Variants in NPAS2 observed in about 807,000 individuals in gnomAD.
The protein encoded by NPAS2 is neuronal PAS domain-containing protein 2.
A neutral mutation model predicts 107.5 loss-of-function variants in NPAS2; 23 were observed. The observed-to-expected ratio is 0.21, with a 90% CI of 0.15 to 0.30. The LOEUF is 0.30. Among genes scored for constraint, NPAS2 ranks in the 10% least tolerant of loss-of-function variants. The pLI is 1.00. For missense variants in NPAS2, 756 were observed against 1,043.3 expected (o/e 0.72, Z 3.79); for synonymous variants, 403 against 417.5 (o/e 0.97, Z 0.42).
At chr2:100,865,312 C>T (rs190668027) in intron 1 of NPAS2, among the ~76,000 whole-genome samples, 19 of 152,272 alleles carry the variant, frequency 1.2e-4, no homozygotes, top group East Asian at 5.8e-4. Context: ...GTCGTGCTGC[C>T]GCCTGAGCCA....
intron 16 of NPAS2, 38 bp from the exon 17 acceptor site, chr2:100,988,041 T>C (rs1677875524): frequency 6.2e-7 from 1 of 1,606,094 alleles, no homozygotes; most frequent in Admixed American, 1.7e-5. Context: ...GAGGTACCCA[T>C]GACCCCAACT....
intron 2 of NPAS2, among the ~76,000 whole-genome samples, chr2:100,921,672 T>G (rs1413716287): frequency 6.6e-6 from 1 of 152,192 alleles, no homozygotes. Flanking sequence ...TAAAAAGATG[T>G]TCGACATTAC....
intron 1 of NPAS2, among the ~76,000 whole-genome samples, chr2:100,830,043 A>G (rs920706029): frequency 6.6e-6 from 1 of 152,212 alleles, no homozygotes; most frequent in Admixed American, 6.5e-5. Flanking sequence ...GAAAGCAAAA[A>G]CAACCTATCA....
chr2:100,995,962 G>A lies in NPAS2; in HGVS notation c.*380G>A, dbSNP rs550593465. 52 of 1,329,262 alleles carry A rather than the reference G, an allele frequency of 3.9e-5. No individual in the cohort carries two copies. Among genetic ancestry groups the A allele is most frequent in the East Asian group, 2.2e-4 (5 of 22,886 alleles). 82.3% of individuals were successfully genotyped at this position (1,329,262 alleles called of 1,614,324 possible). On this transcript the variant is annotated 3_prime_UTR_variant, in exon 21 of 21. Transcript: ENST00000335681. ...CCCATCTGCGCTAGCTGGCCTTCACGCTCTTGATCGTCTTTCCTTTGTATT... is the reference window on the plus strand; with the variant it reads ...CCCATCTGCGCTAGCTGGCCTTCACACTCTTGATCGTCTTTCCTTTGTATT...
chr2:100,974,857 G>C lies in NPAS2; in HGVS notation c.1195G>C (p.Ala399Pro). ...GCACTTTAACACACTCGACGTGGGT[G>C]CCTCGGGCCTTAATACCAGTCATTC... is the stretch of plus-strand genomic sequence containing the variant. ...RQHFNTLDVGASGLNTSHSPS... is the reference protein window; with the variant it reads ...RQHFNTLDVGPSGLNTSHSPS... Residue 399 changes from alanine (A) to proline (P), a missense_variant, in exon 13 of 21, where the codon GCC becomes CCC. Coordinates refer to ENST00000335681, the MANE Select transcript of NPAS2 (RefSeq NM_002518.4). 1.2e-6 allele frequency: 2 copies of C among 1,614,142 alleles called. No individual in the cohort carries two copies. The highest frequency in any genetic ancestry group is 1.7e-6 in the Non-Finnish European group (2 of 1,179,998).
chr2:100,893,610 G>A (rs1003850455), intron 1 of NPAS2, among the ~76,000 whole-genome samples: 1 of 152,126 alleles, frequency 6.6e-6, no homozygotes, highest in African/African-American at 2.4e-5. Flanking sequence ...TGACCCACTG[G>A]GCCTATAAAG....
At chr2:100,915,590 G>A (rs1045826540) in intron 2 of NPAS2, among the ~76,000 whole-genome samples, 7 of 152,134 alleles carry the variant, frequency 4.6e-5, no homozygotes, top group Admixed American at 2.0e-4. Context: ...TATTTTAGTA[G>A]CACTATGGAT....
At chr2:100,869,006 G>T (rs1416838837) in intron 1 of NPAS2, among the ~76,000 whole-genome samples, 1 of 151,984 alleles carries the variant, frequency 6.6e-6, no homozygotes, top group Non-Finnish European at 1.5e-5. Flanking sequence ...ATCTCAGCTC[G>T]CTGCAACCTT....
chr2:100,982,480 G>T, intron 16 of NPAS2, 103 bp downstream of exon 16: 1 of 1,289,506 alleles, frequency 7.8e-7, no homozygotes, highest in Admixed American at 2.3e-5. Flanking sequence ...CCTGTGAACT[G>T]CCCTGCCAAG....
intron 1 of NPAS2, among the ~76,000 whole-genome samples, chr2:100,895,000 G>A (rs1179693838): frequency 2.0e-5 from 3 of 152,214 alleles, no homozygotes; most frequent in African/African-American, 2.4e-5. Context: ...GTAAGATGGA[G>A]TCTTTCTCTA....
chr2:100,914,802 A>G (rs974235387), intron 2 of NPAS2, among the ~76,000 whole-genome samples: 3 of 152,250 alleles, frequency 2.0e-5, no homozygotes, highest in East Asian at 1.9e-4. Context: ...CGTCCTGTCC[A>G]TCACACTGAA....
intron 10 of NPAS2, among the ~76,000 whole-genome samples, chr2:100,966,305 G>A (rs1311789951): frequency 6.6e-6 from 1 of 152,096 alleles, no homozygotes; most frequent in Non-Finnish European, 1.5e-5. Flanking sequence ...GACTCAAGAG[G>A]ACCCTCACAG....
intron 2 of NPAS2, among the ~76,000 whole-genome samples, chr2:100,912,258 T>TA (rs138948167): frequency 0.011 from 886 of 84,170 alleles, 2 homozygotes; most frequent in Admixed American, 0.022. Flanking sequence ...ATTTATTTAT[T>TA]ATTATTATTT....
rs543064652 is a variant in NPAS2 at position 100,942,374 on chromosome 2, C to T, written c.363+4532C>T. 5.9e-5 allele frequency among the ~76,000 whole-genome samples: 9 copies of T among 152,120 alleles called. No individual in the cohort carries two copies. In the South Asian group the frequency reaches 1.9e-3, roughly 32 times the overall value. ...GGAAGCATCCCTCTGCCCTTCCCAC[C>T]CCACCCTGCCCTCACCTGCTGGAAG... On this transcript the variant is annotated intron_variant, in intron 5 of 20. Transcript: ENST00000335681.
At chr2:100,903,128 C>T (rs1681894696) in intron 1 of NPAS2, among the ~76,000 whole-genome samples, 1 of 152,218 alleles carries the variant, frequency 6.6e-6, no homozygotes, top group South Asian at 2.1e-4. Context: ...AGCCAGCCCT[C>T]CTGTGGACAA....
chr2:100,919,425 G>A (rs1321959566), intron 2 of NPAS2, among the ~76,000 whole-genome samples: 1 of 152,030 alleles, frequency 6.6e-6, no homozygotes, highest in East Asian at 1.9e-4. Context: ...CACCGTCAGC[G>A]TCACTTTTTC....
At chr2:100,933,108 A>G in intron 4 of NPAS2, 107 bp downstream of exon 4, 1 of 804,948 alleles carries the variant, frequency 1.2e-6, no homozygotes, top group Non-Finnish European at 2.1e-6. Flanking sequence ...TGATCCTGGG[A>G]AGACTTGACT....
chr2:100,893,937 G>A (rs112810557), intron 1 of NPAS2, among the ~76,000 whole-genome samples: 2,177 of 152,272 alleles, frequency 0.014, 53 homozygotes, highest in African/African-American at 0.05. Context: ...ATGCCTTTCC[G>A]TGCGTGCTGC....
chr2:100,930,403 T>C (rs1683858824), intron 3 of NPAS2, among the ~76,000 whole-genome samples: 1 of 152,184 alleles, frequency 6.6e-6, no homozygotes, highest in Non-Finnish European at 1.5e-5. Flanking sequence ...TATTCAGATA[T>C]ACCAGGAGCA....
Sources: allele counts gnomAD v4.1 joint callset (sites outside exome capture counted in the v4.1 genomes callset), GRCh38; gene constraint gnomAD v4.1.1; transcripts MANE v1.5; gene names NCBI Gene and HGNC (gene_info 2026-07-23, HGNC 2026-07-21).